SAMD4B: variants seen among roughly 807,000 people sequenced by gnomAD.
The protein encoded by SAMD4B is sterile alpha motif domain containing 4B, also known as protein Smaug homolog 2.
SAMD4B carries 5 observed loss-of-function variants against 74.5 expected under a neutral mutation model. That is an observed-to-expected ratio of 0.07 (90% CI 0.04 to 0.14). SAMD4B has a LOEUF of 0.14. Among genes scored for constraint, SAMD4B ranks in the 10% least tolerant of loss-of-function variants. The pLI is 1.00. For synonymous variants in SAMD4B, 373 were observed against 374.9 expected (o/e 1.00, Z 0.06); for missense variants, 608 against 921.8 (o/e 0.66, Z 4.41).
At chr19:39,365,208 C>A (rs574557657) in intron 3 of SAMD4B, among the ~76,000 whole-genome samples, 52 of 145,772 alleles carry the variant, frequency 3.6e-4, no homozygotes, top group African/African-American at 1.3e-3. Context: ...ATCGTGCCAC[C>A]GCACTCCAGC....
Position 39,385,464 on chromosome 19 carries a change from GCGGCCC to G in SAMD4B, c.*1939_*1944del, listed in dbSNP as rs2078223253. On this transcript the variant is annotated 3_prime_UTR_variant, in exon 14 of 14. Coordinates refer to ENST00000610417, the MANE Select transcript of SAMD4B (RefSeq NM_001384574.2). ...TGACAGCAGAGTGTGCAGGACGCAG[GCGGCCC>G]CACTCTGATGGGCAGGACCCTGACC... is the stretch of plus-strand genomic sequence containing the variant. The G allele has an allele frequency of 2.3e-6, 1 of 435,198 alleles. No individual in the cohort carries two copies. Among genetic ancestry groups the G allele is most frequent in the South Asian group, 7.2e-5 (1 of 13,850 alleles). The allele number at this position is 435,198 out of a possible 1,614,324, so 27.0% of individuals were successfully genotyped here.
downstream of SAMD4B, chr19:39,387,228 C>A: frequency 2.4e-6 from 1 of 421,336 alleles, no homozygotes; most frequent in South Asian, 1.8e-5. Context: ...GTACTGAATA[C>A]TGCAGGCAAT....
chr19:39,390,217 C>A (rs1258919198), downstream of SAMD4B: 1 of 1,613,008 alleles, frequency 6.2e-7, no homozygotes, highest in East Asian at 2.2e-5. Context: ...CTGCTCCCAG[C>A]CCCACTGCCC....
At position 39,375,572 on chromosome 19, in the gene SAMD4B, G is replaced by T; in HGVS notation, c.668-78G>T. 6.5e-7 allele frequency: 1 copy of T among 1,542,948 alleles called. No homozygotes were observed. The highest frequency in any genetic ancestry group is 8.8e-7 in the Non-Finnish European group (1 of 1,135,582). On this transcript the variant is annotated intron_variant, in intron 4 of 13. Transcript: ENST00000610417. This position sits in a 1 kb window ranked among gnomAD's most constrained non-coding sequence, Gnocchi z 4.1. ...GGTTATGGGGCCAAACTGCCATCCT[G>T]GCACTGACGGCAGGGGGATGGTCTC...
chr19:39,387,120 A>G (rs2078269498), downstream of SAMD4B: 1 of 459,854 alleles, frequency 2.2e-6, no homozygotes, highest in African/African-American at 2.0e-5. Flanking sequence ...ATCATACAGT[A>G]CTCTTACACA....
At chr19:39,347,228 G>T (rs945079277) in intron 1 of SAMD4B, among the ~76,000 whole-genome samples, 1 of 152,108 alleles carries the variant, frequency 6.6e-6, no homozygotes, top group Non-Finnish European at 1.5e-5. Flanking sequence ...GACAAATATG[G>T]TCCTCAGCAG....
chr19:39,380,684 C>T lies in SAMD4B; in HGVS notation c.1747C>T (p.Leu583Phe). The change falls in exon 11 of 14, where the codon CTC becomes TTC. Residue 583 changes from leucine to phenylalanine, a missense_variant. Transcript: ENST00000610417. The stretch of plus-strand genomic sequence containing the variant: ...GCAGTTCCCAATGCCTCCCCGGGCC[C>T]TCCCACCCGGCCGGATGGGCCTCCT... ...QRQFPMPPRA[L>F]PPGRMGLLSP... The T allele has an allele frequency of 1.2e-6, 2 of 1,613,338 alleles. No homozygotes were observed. Among genetic ancestry groups the T allele is most frequent in the East Asian group, 4.5e-5 (2 of 44,846 alleles).
At chr19:39,389,949 A>T, downstream of SAMD4B, 1 of 1,052,044 alleles carries the variant, frequency 9.5e-7, no homozygotes, top group Non-Finnish European at 1.5e-6. This position sits in a 1 kb window ranked among gnomAD's most constrained non-coding sequence, Gnocchi z 5.3. Context: ...TTGAGCAGCT[A>T]CTACTATGTG....
In SAMD4B at chr19:39,347,278, G is replaced by C. The variant is rs562976940; in HGVS notation, c.-267+4702G>C. On this transcript the variant is annotated intron_variant, in intron 1 of 13. Transcript: ENST00000610417. ...CCTACCTCCTTGGAAAGCCTTAGTG[G>C]AAAGAGAACTCTTTCTTGAGAGTCC... Among the ~76,000 whole-genome samples the C allele has an allele frequency of 4.6e-5, 7 of 152,304 alleles. No homozygotes were observed. In the South Asian group the frequency reaches 1.4e-3, roughly 32 times the overall value.
intron 1 of SAMD4B, chr19:39,349,790 T>C (rs931292352): frequency 2.0e-5 from 3 of 152,168 alleles, no homozygotes; most frequent in Non-Finnish European, 4.4e-5. Context: ...AAAGGGCCCT[T>C]AGGCCCAACT....
intron 10 of SAMD4B, 135 bp from the exon 11 acceptor site, chr19:39,380,452 G>T (rs2077895787): frequency 1.1e-6 from 1 of 916,758 alleles, no homozygotes; most frequent in East Asian, 2.4e-5. Flanking sequence ...TACCCTTGGG[G>T]CAGATGAGGA....
intron 3 of SAMD4B, among the ~76,000 whole-genome samples, chr19:39,358,807 A>T (rs2076484875): frequency 6.6e-6 from 1 of 152,128 alleles, no homozygotes. Flanking sequence ...GCCCCATTTT[A>T]CAAGTCAGGA....
chr19:39,378,515 C>T lies in SAMD4B; in HGVS notation c.1456C>T (p.Leu486=), dbSNP rs2077741090. The T allele has an allele frequency of 6.2e-7, 1 of 1,614,032 alleles. No individual in the cohort carries two copies. Among genetic ancestry groups the T allele is most frequent in the African/African-American group, 1.3e-5 (1 of 75,038 alleles). Residue 486 remains leucine (L), a synonymous_variant, in exon 9 of 14, where the codon CTG becomes TTG. Transcript: ENST00000610417. This position sits in a 1 kb window ranked among gnomAD's most constrained non-coding sequence, Gnocchi z 4.4. Reference sequence around the variant, plus strand: ...TCATGTCCCCCCAGTGTGCACCCAACTGCTGGTGTCCCGACCAGACGAGGA... The same window carrying T: ...TCATGTCCCCCCAGTGTGCACCCAATTGCTGGTGTCCCGACCAGACGAGGA... The part of the protein sequence containing the change: ...TRVMGKVCTQ[L]LVSRPDEENI...
Position 39,379,979 on chromosome 19 carries a change from C to T in SAMD4B, c.1544C>T (p.Thr515Met), listed in dbSNP as rs1247591360. Residue 515 changes from threonine to methionine, a missense_variant, in exon 10 of 14, where the codon ACG becomes ATG. Physicochemically the swap from Thr to Met is moderately conservative, Grantham distance 81 (BLOSUM62 -1). Coordinates refer to ENST00000610417, the MANE Select transcript of SAMD4B (RefSeq NM_001384574.2). ...KCLTHEAFTE[T>M]QKKRLLSWKQ... ...TGCCAATTCTAGGCTTTCACGGAGA[C>T]GCAGAAGAAACGGCTGCTATCCTGG... The T allele has an allele frequency of 6.2e-6, 10 of 1,613,828 alleles. No homozygotes were observed. The highest frequency in any genetic ancestry group is 1.1e-5 in the South Asian group (1 of 91,000).
chr19:39,358,341 GT>G (rs1352833617), intron 3 of SAMD4B, among the ~76,000 whole-genome samples: 1 of 152,196 alleles, frequency 6.6e-6, no homozygotes, highest in Non-Finnish European at 1.5e-5. Context: ...TTAAATCCCA[GT>G]TCTGTTACTT....
rs1034273537 is a variant in SAMD4B at position 39,383,880 on chromosome 19, G to A, written c.*353G>A. 40 of 639,366 alleles carry A rather than the reference G, an allele frequency of 6.3e-5. No individual in the cohort carries two copies. The highest frequency in any genetic ancestry group is 1.0e-4 in the Non-Finnish European group (38 of 370,232). The allele number at this position is 639,366 out of a possible 1,614,324, so 39.6% of individuals were successfully genotyped here. A position where few individuals can be genotyped will look rare whatever the true frequency, so the allele number is the denominator to read the frequency against. ...CCACCTGCCTCTCCCCAAGGGAGCA[G>A]ACTCCCCAGAGACAAACTGACCACT... On this transcript the variant is annotated 3_prime_UTR_variant, in exon 14 of 14. Transcript: ENST00000610417. This position sits in a 1 kb window ranked among gnomAD's most constrained non-coding sequence, Gnocchi z 4.1.
chr19:39,344,710 C>T (rs1385334996), intron 1 of SAMD4B, among the ~76,000 whole-genome samples: 2 of 152,178 alleles, frequency 1.3e-5, no homozygotes, highest in African/African-American at 4.8e-5. Context: ...CCAACATTCT[C>T]CAGACTCGTT....
At chr19:39,364,820 C>T (rs890634240) in intron 3 of SAMD4B, among the ~76,000 whole-genome samples, 11 of 152,050 alleles carry the variant, frequency 7.2e-5, no homozygotes, top group African/African-American at 2.2e-4. Context: ...TCTTGGCAGT[C>T]GGTTCAAGTG....
chr19:39,376,021 C>T, intron 5 of SAMD4B, 132 bp downstream of exon 5: 1 of 1,234,680 alleles, frequency 8.1e-7, no homozygotes, highest in Non-Finnish European at 1.1e-6. Flanking sequence ...AGTAGATAGT[C>T]CCTGCTTTTA....
Sources: allele counts gnomAD v4.1 joint callset (sites outside exome capture counted in the v4.1 genomes callset), GRCh38; gene constraint gnomAD v4.1.1; non-coding constraint Gnocchi (gnomAD v3.1); transcripts MANE v1.5; gene names NCBI Gene and HGNC (gene_info 2026-07-23, HGNC 2026-07-21).